CADPS2: variants seen among roughly 807,000 people sequenced by gnomAD.
The protein encoded by CADPS2 is calcium-dependent secretion activator 2.
Under a neutral mutation model 172.5 loss-of-function variants are expected in CADPS2, and 93 were observed. That is an observed-to-expected ratio of 0.54 (90% CI 0.46 to 0.64). CADPS2 has a LOEUF of 0.64. CADPS2 is among the 30% of genes least tolerant of loss of function. The pLI is 0.00. For synonymous variants in CADPS2, 546 were observed against 555.2 expected, an observed-to-expected ratio of 0.98 and a Z score of 0.23; for missense variants, 1,420 against 1,565.9, an observed-to-expected ratio of 0.91 and a Z score of 1.57.
chr7:122,669,621 G>A (rs1394500863), intron 2 of CADPS2, among the ~76,000 whole-genome samples: 4 of 151,752 alleles, frequency 2.6e-5, no homozygotes, highest in Admixed American at 2.6e-4. Flanking sequence ...CGTTCTCTTG[G>A]CCCTACGTGT....
intron 1 of CADPS2, among the ~76,000 whole-genome samples, chr7:122,814,433 T>C (rs1800805601): frequency 6.6e-6 from 1 of 152,060 alleles, no homozygotes; most frequent in African/African-American, 2.4e-5. Flanking sequence ...AATTCTATAT[T>C]CTGGAGGTCA....
At chr7:122,577,822 T>A (rs1563757135) in intron 7 of CADPS2, among the ~76,000 whole-genome samples, 1 of 152,064 alleles carries the variant, frequency 6.6e-6, no homozygotes, top group East Asian at 1.9e-4. Context: ...GCACTGTCAG[T>A]TTTTCTGCAT....
intron 2 of CADPS2, among the ~76,000 whole-genome samples, chr7:122,704,376 G>T (rs1338791879): frequency 6.6e-6 from 1 of 151,756 alleles, no homozygotes; most frequent in East Asian, 1.9e-4. Flanking sequence ...TGTTCAAATG[G>T]AGTGAATTCC....
chr7:122,702,154 A>G, intron 2 of CADPS2: 3 of 1,613,782 alleles, frequency 1.9e-6, no homozygotes, highest in Non-Finnish European at 2.5e-6. Context: ...CAATTGTGGC[A>G]GCCAGGAAGG....
Position 122,737,030 on chromosome 7 carries a change from G to C in CADPS2, c.378C>G (p.Phe126Leu). ...KQQLQLLKER[F>L]QAFLNGETQI... ...GGGTTTCCCCATTGAGGAAGGCCTG[G>C]AACCGTTCTTTCAGTAACTGCAACT... Residue 126 changes from phenylalanine (F) to leucine (L), a missense_variant, in exon 2 of 30, where the codon TTC (phenylalanine) becomes TTG (leucine). Transcript: ENST00000449022. 9 of 1,611,774 alleles carry C rather than the reference G, an allele frequency of 5.6e-6. No homozygotes were observed. The highest frequency in any genetic ancestry group is 7.6e-6 in the Non-Finnish European group (9 of 1,178,138).
Position 122,558,649 on chromosome 7 carries a change from C to G in CADPS2, c.1336-3960G>C, listed in dbSNP as rs149193063. Among the ~76,000 whole-genome samples, 1,133 of 152,076 alleles carry G rather than the reference C, an allele frequency of 7.5e-3. 16 individuals carry two copies. The highest frequency in any genetic ancestry group is 0.025 in the African/African-American group (1,051 of 41,492). On this transcript the variant is annotated intron_variant, in intron 7 of 29. Coordinates refer to ENST00000449022, the MANE Select transcript of CADPS2 (RefSeq NM_017954.11). ...TAAAAATTCCATCAAATTTAATATA[C>G]AGGAGGAAAAACTAAGACTTAAAAA... is the stretch of plus-strand genomic sequence containing the variant.
At chr7:122,569,264 G>A (rs2066875424) in intron 7 of CADPS2, among the ~76,000 whole-genome samples, 1 of 152,044 alleles carries the variant, frequency 6.6e-6, no homozygotes, top group African/African-American at 2.4e-5. Flanking sequence ...CAAATCATGA[G>A]TGAACTCCCA....
intron 6 of CADPS2, among the ~76,000 whole-genome samples, chr7:122,604,522 C>T (rs1162228034): frequency 6.6e-6 from 1 of 152,032 alleles, no homozygotes; most frequent in East Asian, 1.9e-4. Context: ...AGAATAAAGG[C>T]ATTTCTTCTG....
intron 3 of CADPS2, among the ~76,000 whole-genome samples, chr7:122,645,533 T>TAC (rs2078403276): frequency 4.5e-5 from 6 of 132,642 alleles, no homozygotes; most frequent in African/African-American, 8.2e-5. Flanking sequence ...TATAAGTATA[T>TAC]ATATATACTT....
intron 7 of CADPS2, among the ~76,000 whole-genome samples, chr7:122,560,948 T>G (rs1224755530): frequency 6.6e-6 from 1 of 152,156 alleles, no homozygotes; most frequent in Non-Finnish European, 1.5e-5. Flanking sequence ...AGAACCCTTA[T>G]AGTATGTGAA....
intron 28 of CADPS2, among the ~76,000 whole-genome samples, chr7:122,343,463 A>G (rs873378): frequency 0.15 from 23,390 of 152,180 alleles, 1,852 homozygotes; most frequent in African/African-American, 0.17. Context: ...GTCTGTTATC[A>G]TTGCCACATA....
At chr7:122,702,160 G>A in intron 2 of CADPS2, 1 of 1,613,742 alleles carries the variant, frequency 6.2e-7, no homozygotes, top group Non-Finnish European at 8.5e-7. Flanking sequence ...TGGCAGCCAG[G>A]AAGGTAAATA....
In CADPS2 at chr7:122,706,288, T is replaced by TATAC. The variant is rs1463044178; in HGVS notation, c.453+30666_453+30667insGTAT. Among the ~76,000 whole-genome samples the TATAC allele has an allele frequency of 2.0e-4, 4 of 19,716 alleles. 1 individual carries two copies. The highest frequency in any genetic ancestry group is 4.7e-4 in the Non-Finnish European group (4 of 8,448). The allele number at this position is 19,716 out of a possible 152,430, so 12.9% of individuals were successfully genotyped here. Reference sequence around the variant, plus strand: ...TATATATGTTTATATATTCAAGGAATATATATATGCTTATATATTCAAGGA... The same window carrying TATAC: ...TATATATGTTTATATATTCAAGGAATATACATATATATGCTTATATATTCAAGGA... On this transcript the variant is annotated intron_variant, in intron 2 of 29. Coordinates refer to ENST00000449022, the MANE Select transcript of CADPS2 (RefSeq NM_017954.11).
intron 4 of CADPS2, among the ~76,000 whole-genome samples, chr7:122,626,554 C>T (rs1440361055): frequency 6.6e-6 from 1 of 152,168 alleles, no homozygotes; most frequent in Non-Finnish European, 1.5e-5. Flanking sequence ...TCCTACACTC[C>T]TCATCCCACT....
chr7:122,566,428 G>A (rs1252186602), intron 7 of CADPS2, among the ~76,000 whole-genome samples: 1 of 152,010 alleles, frequency 6.6e-6, no homozygotes, highest in Non-Finnish European at 1.5e-5. Context: ...TATATCCAAA[G>A]GAAATGAAAT....
intron 9 of CADPS2, among the ~76,000 whole-genome samples, chr7:122,507,924 T>C (rs996574399): frequency 3.3e-5 from 5 of 152,162 alleles, no homozygotes; most frequent in Admixed American, 3.3e-4. Flanking sequence ...TTGATTTAAG[T>C]ATGTTCAAAT....
intron 1 of CADPS2, among the ~76,000 whole-genome samples, chr7:122,842,064 G>A (rs1810686840): frequency 6.6e-6 from 1 of 152,206 alleles, no homozygotes; most frequent in Non-Finnish European, 1.5e-5. Flanking sequence ...GGAGAGATGA[G>A]GAGCAGCTCC....
chr7:122,325,306 A>T (rs2033603160), intron 29 of CADPS2, among the ~76,000 whole-genome samples, 171 bp downstream of exon 29: 1 of 152,102 alleles, frequency 6.6e-6, no homozygotes, highest in Non-Finnish European at 1.5e-5. Context: ...AAAAAAGATA[A>T]ATTTATATTC....
At chr7:122,338,260 G>A (rs554746704) in intron 28 of CADPS2, among the ~76,000 whole-genome samples, 1 of 152,278 alleles carries the variant, frequency 6.6e-6, no homozygotes, top group South Asian at 2.1e-4. Flanking sequence ...AGCCAGGCAT[G>A]GTGGCACGCA....
Sources: allele counts gnomAD v4.1 joint callset (sites outside exome capture counted in the v4.1 genomes callset), GRCh38; gene constraint gnomAD v4.1.1; transcripts MANE v1.5; gene names NCBI Gene and HGNC (gene_info 2026-07-23, HGNC 2026-07-21).